Variants in FAM161B observed in about 807,000 individuals in gnomAD.
FAM161B encodes protein FAM161B.
A neutral mutation model predicts 61.5 loss-of-function variants in FAM161B; 46 were observed. The ratio of observed to expected loss-of-function variants is 0.75; its 90% CI spans 0.59 to 0.96. The LOEUF (loss-of-function observed/expected upper bound fraction) is 0.96. Ranked by LOEUF, FAM161B falls within the 40% of genes least tolerant of loss-of-function variation. The pLI is 0.00. For missense variants in FAM161B, 774 were observed against 800.7 expected (o/e 0.97, Z 0.40); for synonymous variants, 284 against 302.7 (o/e 0.94, Z 0.64).
intron 1 of FAM161B, 24 bp downstream of exon 1, chr14:73,949,949 G>A (rs1439091092): frequency 1.2e-6 from 2 of 1,612,630 alleles, no homozygotes; most frequent in Non-Finnish European, 8.5e-7. Flanking sequence ...CCTTTCCCGG[G>A]GGCAGTCTCT....
In FAM161B at chr14:73,933,956, G is replaced by A; in HGVS notation, c.*300C>T. The A allele has an allele frequency of 4.2e-6, 1 of 235,974 alleles. No individual in the cohort carries two copies. Among genetic ancestry groups the A allele is most frequent in the East Asian group, 1.2e-4 (1 of 8,280 alleles). The allele number at this position is 235,974 out of a possible 1,614,324, so 14.6% of individuals were successfully genotyped here. A position where few individuals can be genotyped will look rare whatever the true frequency, so the allele number is the denominator to read the frequency against. ...CCTGCCTCAGCTTCCCAAGTAGCTAGGATTACAGGCACGTGTCATCACGCC... is the reference window on the plus strand; with the variant it reads ...CCTGCCTCAGCTTCCCAAGTAGCTAAGATTACAGGCACGTGTCATCACGCC... On this transcript the variant is annotated 3_prime_UTR_variant, in exon 9 of 9. Transcript: ENST00000286544.
At chr14:73,927,241 A>G (rs1186685581), downstream of FAM161B, 2 of 224,298 alleles carry the variant, frequency 8.9e-6, no homozygotes, top group Non-Finnish European at 1.9e-5. Context: ...AGGTGCCACC[A>G]CGCCCGGCTG....
At chr14:73,939,277 C>T (rs111697236) in intron 5 of FAM161B, among the ~76,000 whole-genome samples, 1,682 of 152,140 alleles carry the variant, frequency 0.011, 26 homozygotes, top group African/African-American at 0.039. Flanking sequence ...CCAGCATGGG[C>T]GACAGAGCAA....
downstream of FAM161B, chr14:73,931,623 C>G: frequency 7.8e-7 from 1 of 1,287,456 alleles, no homozygotes; most frequent in South Asian, 1.2e-5. Flanking sequence ...TAGCCCACAA[C>G]AGAACCAGAA....
At position 73,950,013 on chromosome 14, in the gene FAM161B, C is replaced by T; in HGVS notation, c.14G>A (p.Arg5Lys). Reference protein sequence around the residue: MTVGRPEGAPGGAEG... With the variant: MTVGKPEGAPGGAEG... ...CGCGCCTCCGGGGGCTCCCTCAGGC[C>T]TCCCCACGGTCATTTCAGCTGGACA... The change falls in exon 1 of 9, where the codon AGG becomes AAG. Residue 5 changes from arginine (R) to lysine (K), a missense_variant. Physicochemically the swap from Arg to Lys is conservative, Grantham distance 26. Transcript: ENST00000286544. 6.2e-7 allele frequency: 1 copy of T among 1,613,054 alleles called. No individual in the cohort carries two copies. The highest frequency in any genetic ancestry group is 8.5e-7 in the Non-Finnish European group (1 of 1,180,020).
At chr14:73,923,635 A>C in the FAM161B span, 1 of 1,389,372 alleles carries the variant, frequency 7.2e-7, no homozygotes, top group Non-Finnish European at 9.8e-7. Flanking sequence ...TTTGGCACGA[A>C]TATTTTCCTT....
downstream of FAM161B, among the ~76,000 whole-genome samples, chr14:73,926,902 A>G (rs1271748996): frequency 2.6e-5 from 4 of 152,342 alleles, no homozygotes; most frequent in East Asian, 7.7e-4. Flanking sequence ...AATATTTCAT[A>G]AATGGTGCTC....
At chr14:73,928,326 C>T (rs185027158), downstream of FAM161B, among the ~76,000 whole-genome samples, 1 of 152,018 alleles carries the variant, frequency 6.6e-6, no homozygotes, top group African/African-American at 2.4e-5. Context: ...AGTAGAGGGC[C>T]TCTGTGGAAC....
At chr14:73,926,188 A>G in the FAM161B span, among the ~76,000 whole-genome samples, 55 of 152,210 alleles carry the variant, frequency 3.6e-4, no homozygotes, top group Non-Finnish European at 5.7e-4. Flanking sequence ...ACAAGATACA[A>G]TATTAAAAAC....
the FAM161B span, among the ~76,000 whole-genome samples, chr14:73,923,182 C>T: frequency 2.0e-5 from 3 of 152,232 alleles, no homozygotes; most frequent in African/African-American, 7.2e-5. Context: ...ATTCTAAATC[C>T]TGTATTAAGA....
Position 73,937,704 on chromosome 14 carries a change from G to A in FAM161B, c.1566-3C>T. 2 of 1,610,766 alleles carry A rather than the reference G, an allele frequency of 1.2e-6. No homozygotes were observed. The highest frequency in any genetic ancestry group is 1.7e-6 in the Non-Finnish European group (2 of 1,179,242). ...TCGCTCTTTTACGGTCATTGTTCCTGGAATTAGCAAGACTTTTAGAAAGAA... is the reference window on the plus strand; with the variant it reads ...TCGCTCTTTTACGGTCATTGTTCCTAGAATTAGCAAGACTTTTAGAAAGAA... On this transcript the variant is annotated splice_region_variant and splice_polypyrimidine_tract_variant and intron_variant, in intron 6 of 8. Coordinates refer to ENST00000286544, the MANE Select transcript of FAM161B (RefSeq NM_152445.3).
chr14:73,923,929 C>G, the FAM161B span, among the ~76,000 whole-genome samples: 1 of 152,280 alleles, frequency 6.6e-6, no homozygotes, highest in Admixed American at 6.5e-5. Context: ...CTGTACCAGA[C>G]AGGAGCAAGT....
chr14:73,923,877 T>A, the FAM161B span, among the ~76,000 whole-genome samples: 1 of 152,190 alleles, frequency 6.6e-6, no homozygotes, highest in Non-Finnish European at 1.5e-5. Context: ...TGTTAAGTTA[T>A]TCAGAGAAGA....
At chr14:73,935,118 T>C (rs1420854694) in intron 8 of FAM161B, among the ~76,000 whole-genome samples, 1 of 151,910 alleles carries the variant, frequency 6.6e-6, no homozygotes, top group Admixed American at 6.6e-5. Context: ...GGAAAATTTC[T>C]AGGGGTATAA....
chr14:73,931,380 GATAGCCTTCA>G, downstream of FAM161B: 1 of 776,522 alleles, frequency 1.3e-6, no homozygotes. Flanking sequence ...TTTGGAAGTA[GATAGCCTTCA>G]TTCACCCCTG....
chr14:73,948,571 TC>T (rs1275092143), intron 1 of FAM161B, among the ~76,000 whole-genome samples: 1 of 152,230 alleles, frequency 6.6e-6, no homozygotes, highest in East Asian at 1.9e-4. Flanking sequence ...GCACGTTTTT[TC>T]TTTTCTTTTA....
rs1396667506 is a variant in FAM161B at position 73,945,143 on chromosome 14, A to G, written c.375-258T>C. Among the ~76,000 whole-genome samples the G allele has an allele frequency of 5.3e-5, 8 of 152,264 alleles. 1 individual carries two copies. Among genetic ancestry groups the G allele is most frequent in the Non-Finnish European group, 1.2e-4 (8 of 68,050 alleles). On this transcript the variant is annotated intron_variant, in intron 2 of 8. Transcript: ENST00000286544. ...TCATATGAGAGAGAGAACAATGAGC[A>G]GAGTAGAGCTTTAGAGTCAGACAGA... is the stretch of plus-strand genomic sequence containing the variant.
chr14:73,942,803 GTAAGTGTTAC>G (rs1482235788), intron 3 of FAM161B, 88 bp from the exon 4 acceptor site: 7 of 1,232,468 alleles, frequency 5.7e-6, no homozygotes, highest in Non-Finnish European at 7.9e-6. Flanking sequence ...CACACTAGCT[GTAAGTGTTAC>G]TGGAGGCAAG....
At chr14:73,927,242 C>T (rs927730809), downstream of FAM161B, 41 of 223,970 alleles carry the variant, frequency 1.8e-4, no homozygotes, top group African/African-American at 8.5e-4. Flanking sequence ...GGTGCCACCA[C>T]GCCCGGCTGT....
Sources: gnomAD v4.1 joint callset for allele counts (sites outside exome capture counted in the v4.1 genomes callset) on GRCh38, gnomAD v4.1.1 for gene constraint, MANE v1.5 for transcripts, NCBI Gene and HGNC (gene_info 2026-07-23, HGNC 2026-07-21) for gene names.